The following TANC2 variants were observed in gnomAD, a reference collection of about 807,000 sequenced individuals.
TANC2 encodes protein TANC2.
In TANC2, 26 loss-of-function variants were observed where a neutral mutation model predicts 210.5. The ratio of observed to expected loss-of-function variants is 0.12; its 90% CI spans 0.09 to 0.17. The LOEUF (loss-of-function observed/expected upper bound fraction) is 0.17, where lower values mean the gene tolerates loss of function less well. Among genes scored for constraint, TANC2 ranks in the 10% least tolerant of loss-of-function variants. The probability of loss-of-function intolerance (pLI) is 1.00; values close to 1 mark genes in which losing one functional copy is unlikely to be tolerated. For missense variants in TANC2, 2,129 were observed against 2,608.9 expected, an observed-to-expected ratio of 0.82 and a Z score of 4.01; for synonymous variants, 931 against 967.1, an observed-to-expected ratio of 0.96 and a Z score of 0.69.
At chr17:62,988,871 C>G (rs1259700980) in intron 1 of TANC2, among the ~76,000 whole-genome samples, 1 of 152,096 alleles carries the variant, frequency 6.6e-6, no homozygotes, top group Non-Finnish European at 1.5e-5. Flanking sequence ...GCATTAGACA[C>G]CAAAAGAAGC....
intron 16 of TANC2, among the ~76,000 whole-genome samples, chr17:63,389,062 G>A (rs906836472): frequency 2.0e-5 from 3 of 152,078 alleles, no homozygotes; most frequent in East Asian, 1.9e-4. Flanking sequence ...AGCTCACTTC[G>A]TAGAGACTAT....
intron 5 of TANC2, among the ~76,000 whole-genome samples, chr17:63,190,801 C>T (rs905766744): frequency 6.6e-6 from 1 of 152,144 alleles, no homozygotes; most frequent in African/African-American, 2.4e-5. Flanking sequence ...ACATTGCCTC[C>T]AAAGACCAGA....
At chr17:63,054,278 C>T (rs1019108250) in intron 2 of TANC2, among the ~76,000 whole-genome samples, 1 of 152,194 alleles carries the variant, frequency 6.6e-6, no homozygotes, top group Non-Finnish European at 1.5e-5. Flanking sequence ...AGAAGAGCTG[C>T]TCTTCATTTC....
chr17:63,266,472 G>GA (rs2043530522), intron 8 of TANC2, among the ~76,000 whole-genome samples: 2 of 152,166 alleles, frequency 1.3e-5, no homozygotes, highest in Non-Finnish European at 2.9e-5. Context: ...GGTTGGAGAT[G>GA]TAAGTTTACT....
At chr17:63,330,655 C>T (rs1208052278) in intron 11 of TANC2, among the ~76,000 whole-genome samples, 1 of 152,144 alleles carries the variant, frequency 6.6e-6, no homozygotes, top group African/African-American at 2.4e-5. Flanking sequence ...GTTTTCCAGA[C>T]TGTTAAACAT....
At chr17:63,193,579 A>G (rs958814578) in intron 5 of TANC2, among the ~76,000 whole-genome samples, 3 of 152,194 alleles carry the variant, frequency 2.0e-5, no homozygotes, top group Admixed American at 1.3e-4. Context: ...ATGCTAATGG[A>G]TATATCTGAC....
At chr17:63,361,785 A>G (rs1280028759) in intron 14 of TANC2, among the ~76,000 whole-genome samples, 3 of 152,254 alleles carry the variant, frequency 2.0e-5, no homozygotes, top group Non-Finnish European at 4.4e-5. Context: ...AATGATGTTC[A>G]TGGACAACTG....
chr17:63,145,794 C>T (rs2039443586), intron 4 of TANC2, among the ~76,000 whole-genome samples: 1 of 152,088 alleles, frequency 6.6e-6, no homozygotes, highest in Non-Finnish European at 1.5e-5. Flanking sequence ...GTTTAGACTA[C>T]TATAGCTTTG....
At chr17:63,049,428 T>G in intron 2 of TANC2, among the ~76,000 whole-genome samples, 1 of 152,124 alleles carries the variant, frequency 6.6e-6, no homozygotes, top group East Asian at 1.9e-4. Flanking sequence ...GGGGGGACAG[T>G]TATGTATCTA....
intron 4 of TANC2, among the ~76,000 whole-genome samples, chr17:63,105,300 T>C (rs2037784314): frequency 6.6e-6 from 1 of 151,720 alleles, no homozygotes. Flanking sequence ...CAATAACTGA[T>C]TTGATCATGC....
At chr17:63,379,511 A>T (rs534348203) in intron 14 of TANC2, among the ~76,000 whole-genome samples, 1 of 152,264 alleles carries the variant, frequency 6.6e-6, no homozygotes, top group South Asian at 2.1e-4. Flanking sequence ...CTCTACTAAA[A>T]TAGAAAAATT....
At chr17:63,407,335 G>C (rs1209215007) in intron 21 of TANC2, among the ~76,000 whole-genome samples, 2 of 152,190 alleles carry the variant, frequency 1.3e-5, no homozygotes, top group African/African-American at 4.8e-5. Flanking sequence ...TTCTGCTGGG[G>C]AAGCAAGGAG....
chr17:63,230,965 A>G (rs1357243171), intron 7 of TANC2, among the ~76,000 whole-genome samples: 2 of 152,188 alleles, frequency 1.3e-5, no homozygotes, highest in African/African-American at 4.8e-5. Context: ...GGGTGCATAT[A>G]TATTTAGTAT....
intron 9 of TANC2, among the ~76,000 whole-genome samples, chr17:63,271,440 T>TC (rs557041490): frequency 7.9e-5 from 12 of 151,638 alleles, no homozygotes; most frequent in African/African-American, 2.9e-4. Context: ...CTTTTTCTTT[T>TC]TTTTTTTTTT....
intron 4 of TANC2, among the ~76,000 whole-genome samples, chr17:63,099,640 CTGT>C (rs1387603322): frequency 1.3e-5 from 2 of 152,126 alleles, no homozygotes; most frequent in Non-Finnish European, 2.9e-5. Flanking sequence ...CCAGAATACA[CTGT>C]TGTTCTGATT....
At chr17:63,039,360 G>A (rs2035094401) in intron 2 of TANC2, among the ~76,000 whole-genome samples, 1 of 152,100 alleles carries the variant, frequency 6.6e-6, no homozygotes, top group Non-Finnish European at 1.5e-5. Flanking sequence ...AAAATCATCT[G>A]GCATACTCTT....
Position 63,017,336 on chromosome 17 carries a change from A to G in TANC2, c.67+7710A>G, listed in dbSNP as rs753524750. ...GATGAAGATAGTAGATATTTTCTAA[A>G]TTAAATTTTTTATTTTTTACTAAAA... is the stretch of plus-strand genomic sequence containing the variant. On this transcript the variant is annotated intron_variant, in intron 2 of 27. Transcript: ENST00000689528. Among the ~76,000 whole-genome samples the G allele has an allele frequency of 1.8e-4, 28 of 152,344 alleles. 1 individual carries two copies. Among genetic ancestry groups the G allele is most frequent in the Middle Eastern group, 3.4e-3 (1 of 294 alleles).
chr17:63,280,238 T>G (rs990227051), intron 9 of TANC2, among the ~76,000 whole-genome samples: 2 of 152,080 alleles, frequency 1.3e-5, no homozygotes, highest in East Asian at 3.9e-4. Context: ...TCTCTTACCC[T>G]CTCCACGATT....
chr17:63,310,250 C>T (rs1414333081), intron 9 of TANC2, among the ~76,000 whole-genome samples: 1 of 152,104 alleles, frequency 6.6e-6, no homozygotes, highest in African/African-American at 2.4e-5. Context: ...AGTTCGAGAC[C>T]AGCCTGGCCA....
Sources: gnomAD v4.1 joint callset for allele counts (sites outside exome capture counted in the v4.1 genomes callset) on GRCh38, gnomAD v4.1.1 for gene constraint, MANE v1.5 for transcripts, NCBI Gene and HGNC (gene_info 2026-07-23, HGNC 2026-07-21) for gene names.